The following RNLS variants were observed in gnomAD, a reference collection of about 807,000 sequenced individuals.
RNLS encodes renalase, FAD dependent amine oxidase.
A neutral mutation model predicts 39.8 loss-of-function variants in RNLS; 39 were observed. That is an observed-to-expected ratio of 0.98 (90% confidence interval 0.76 to 1.28). The LOEUF (loss-of-function observed/expected upper bound fraction) is 1.28. RNLS is among the 50% of genes most tolerant of loss of function. The pLI is 0.00. For missense variants in RNLS, 410 were observed against 413.3 expected (o/e 0.99, Z 0.07); for synonymous variants, 147 against 150.7 (o/e 0.98, Z 0.18).
At chr10:88,509,616 C>T (rs1321998049) in intron 4 of RNLS, among the ~76,000 whole-genome samples, 2 of 151,122 alleles carry the variant, frequency 1.3e-5, no homozygotes, top group Non-Finnish European at 2.9e-5. Flanking sequence ...TAAGTTGAAT[C>T]TTTAAGAACA....
chr10:88,255,376 G>C, the RNLS span, among the ~76,000 whole-genome samples: 1 of 152,170 alleles, frequency 6.6e-6, no homozygotes, highest in African/African-American at 2.4e-5. Context: ...AAATCAAACA[G>C]CATGTCTGCC....
intron 4 of RNLS, among the ~76,000 whole-genome samples, chr10:88,393,292 C>T (rs1302994849): frequency 2.0e-5 from 3 of 151,864 alleles, no homozygotes; most frequent in Non-Finnish European, 2.9e-5. Flanking sequence ...TCTAGAAAAC[C>T]CCATCGTCTC....
intron 4 of RNLS, among the ~76,000 whole-genome samples, chr10:88,496,123 C>T (rs970293068): frequency 2.6e-5 from 4 of 151,916 alleles, no homozygotes; most frequent in Non-Finnish European, 5.9e-5. Flanking sequence ...GGGAGAAGTA[C>T]CCCAGAAAAA....
the RNLS span, among the ~76,000 whole-genome samples, chr10:88,178,109 G>A: frequency 3.9e-5 from 6 of 152,150 alleles, no homozygotes; most frequent in Admixed American, 6.5e-5. Flanking sequence ...TCTGCTGCGC[G>A]GGACTTCCTG....
chr10:88,232,750 AC>A, the RNLS span, among the ~76,000 whole-genome samples: 1 of 152,210 alleles, frequency 6.6e-6, no homozygotes, highest in East Asian at 1.9e-4. Context: ...CCATCTTTCA[AC>A]CAAGCCATCC....
In RNLS at chr10:88,469,832, T is replaced by C. The variant is rs929979320; in HGVS notation, c.526+103071A>G. 3.3e-5 allele frequency among the ~76,000 whole-genome samples: 5 copies of C among 149,890 alleles called. No individual in the cohort carries two copies. In the Admixed American group the frequency reaches 3.3e-4, roughly 10 times the overall value. On this transcript the variant is annotated intron_variant, in intron 4 of 6. Coordinates refer to ENST00000331772, the MANE Select transcript of RNLS (RefSeq NM_001031709.3). ...ATTTTTATGTGTGTGCGTGTGTGTG[T>C]GTGTGTGTGTGTGTGTGTGTGTGTG...
At chr10:88,384,479 T>A (rs925385735) in intron 4 of RNLS, among the ~76,000 whole-genome samples, 10 of 152,342 alleles carry the variant, frequency 6.6e-5, no homozygotes, top group Non-Finnish European at 1.2e-4. Context: ...GCCAGGAAGA[T>A]GAGATTAAAT....
intron 6 of RNLS, among the ~76,000 whole-genome samples, chr10:88,295,347 C>T (rs917617292): frequency 1.3e-5 from 2 of 152,164 alleles, no homozygotes; most frequent in African/African-American, 4.8e-5. Flanking sequence ...TCTTATGCTA[C>T]AGTACCTAAT....
At chr10:88,324,666 C>T (rs1412643553) in intron 5 of RNLS, among the ~76,000 whole-genome samples, 1 of 152,098 alleles carries the variant, frequency 6.6e-6, no homozygotes, top group East Asian at 1.9e-4. Context: ...GCCAGCATTA[C>T]ACAATATACG....
At chr10:88,386,122 C>A (rs1053882983) in intron 4 of RNLS, among the ~76,000 whole-genome samples, 1 of 152,136 alleles carries the variant, frequency 6.6e-6, no homozygotes, top group Non-Finnish European at 1.5e-5. Flanking sequence ...GTACATTTCA[C>A]CTGCAGGATA....
chr10:88,441,359 G>A lies in RNLS; in HGVS notation c.527-78634C>T, dbSNP rs546826263. ...AAGTTGATGGTGATTCACTGAAATC[G>A]TGCTTTGCTAATCATGATGATTAAA... On this transcript the variant is annotated intron_variant, in intron 4 of 6. Coordinates refer to ENST00000331772, the MANE Select transcript of RNLS (RefSeq NM_001031709.3). Among the ~76,000 whole-genome samples, 13 of 152,248 alleles carry A rather than the reference G, an allele frequency of 8.5e-5. No individual in the cohort carries two copies. The South Asian group carries it at 2.3e-3, about 27-fold the overall frequency.
chr10:88,335,271 G>A (rs1251503564), intron 5 of RNLS, among the ~76,000 whole-genome samples: 2 of 150,074 alleles, frequency 1.3e-5, no homozygotes, highest in African/African-American at 4.9e-5. Flanking sequence ...AGGCTGGAGT[G>A]CAGTGGCTCA....
intron 5 of RNLS, among the ~76,000 whole-genome samples, chr10:88,336,704 T>C (rs1847528210): frequency 6.6e-6 from 1 of 152,178 alleles, no homozygotes; most frequent in Non-Finnish European, 1.5e-5. Context: ...TCACCAGCAA[T>C]ATAAACTACC....
intron 4 of RNLS, among the ~76,000 whole-genome samples, chr10:88,545,131 C>T (rs566919868): frequency 1.3e-5 from 2 of 152,138 alleles, no homozygotes; most frequent in African/African-American, 2.4e-5. Context: ...TTAGCTGGAG[C>T]GATTCTTCTA....
At chr10:88,354,062 T>C (rs1848947142) in intron 5 of RNLS, among the ~76,000 whole-genome samples, 1 of 152,090 alleles carries the variant, frequency 6.6e-6, no homozygotes, top group South Asian at 2.1e-4. Context: ...TTGCTTGGTA[T>C]GCTTGGTAGA....
At chr10:88,579,159 G>C (rs1850381459) in intron 3 of RNLS, among the ~76,000 whole-genome samples, 1 of 152,124 alleles carries the variant, frequency 6.6e-6, no homozygotes, top group South Asian at 2.1e-4. Flanking sequence ...GCAGCAATAT[G>C]ATTGGACAAA....
intron 4 of RNLS, among the ~76,000 whole-genome samples, chr10:88,566,199 T>C (rs1849495201): frequency 6.6e-6 from 1 of 151,970 alleles, no homozygotes; most frequent in Non-Finnish European, 1.5e-5. Flanking sequence ...AATATATAAA[T>C]ACATACTTTA....
the RNLS span, among the ~76,000 whole-genome samples, chr10:88,240,768 C>A: frequency 6.6e-6 from 1 of 152,056 alleles, no homozygotes; most frequent in Admixed American, 6.6e-5. Flanking sequence ...TCCTCCTAAT[C>A]ATTCCCTTAG....
At chr10:88,418,011 T>C (rs1854142611) in intron 4 of RNLS, among the ~76,000 whole-genome samples, 1 of 151,962 alleles carries the variant, frequency 6.6e-6, no homozygotes, top group African/African-American at 2.4e-5. Flanking sequence ...AATATTCACA[T>C]AAAATGAAGC....
Sources: allele counts gnomAD v4.1 joint callset (sites outside exome capture counted in the v4.1 genomes callset), GRCh38; gene constraint gnomAD v4.1.1; transcripts MANE v1.5; gene names NCBI Gene and HGNC (gene_info 2026-07-23, HGNC 2026-07-21).